SRPK1: variants seen among roughly 807,000 people sequenced by gnomAD.
SRPK1 encodes SFRS protein kinase 1.
Under a neutral mutation model 89.5 loss-of-function variants are expected in SRPK1, and 52 were observed. The ratio of observed to expected loss-of-function variants is 0.58; its 90% CI spans 0.46 to 0.73. SRPK1 has a LOEUF of 0.73. Among genes scored for constraint, SRPK1 ranks in the 30% least tolerant of loss-of-function variants. The pLI is 0.00. For synonymous variants in SRPK1, 255 were observed against 270.2 expected, an observed-to-expected ratio of 0.94 and a Z score of 0.55; for missense variants, 603 against 780.6, an observed-to-expected ratio of 0.77 and a Z score of 2.71.
chr6:35,902,498 C>T (rs961720704), intron 2 of SRPK1, among the ~76,000 whole-genome samples: 8 of 151,952 alleles, frequency 5.3e-5, no homozygotes, highest in African/African-American at 1.5e-4. Flanking sequence ...AGGTAAAGAA[C>T]GAAGCATGAG....
At chr6:35,891,800 A>C (rs1042949779) in intron 2 of SRPK1, among the ~76,000 whole-genome samples, 10 of 151,950 alleles carry the variant, frequency 6.6e-5, no homozygotes, top group African/African-American at 2.4e-4. Flanking sequence ...CATTCTGCTC[A>C]GCTGGACATT....
chr6:35,847,717 C>A (rs1769455832), intron 13 of SRPK1, among the ~76,000 whole-genome samples: 1 of 151,910 alleles, frequency 6.6e-6, no homozygotes, highest in Admixed American at 6.6e-5. Context: ...CATATTTAAC[C>A]ATGGAGGTAA....
At chr6:35,916,246 T>TA (rs1554158253) in intron 2 of SRPK1, among the ~76,000 whole-genome samples, 7,754 of 130,904 alleles carry the variant, frequency 0.059, 358 homozygotes, top group African/African-American at 0.16. Context: ...ATAAATAAAT[T>TA]AATTAATTAA....
At chr6:35,919,702 C>T (rs1401903160) in intron 2 of SRPK1, among the ~76,000 whole-genome samples, 1 of 152,172 alleles carries the variant, frequency 6.6e-6, no homozygotes, top group Admixed American at 6.5e-5. Flanking sequence ...TTGAACTTGC[C>T]ACGATAGCAC....
intron 3 of SRPK1, among the ~76,000 whole-genome samples, chr6:35,890,182 G>T (rs915433913): frequency 9.2e-5 from 14 of 152,174 alleles, no homozygotes; most frequent in African/African-American, 2.9e-4. Flanking sequence ...AGAATCGCTT[G>T]AATCCAGGAG....
At chr6:35,859,632 T>C (rs1360346639) in intron 12 of SRPK1, among the ~76,000 whole-genome samples, 1 of 152,220 alleles carries the variant, frequency 6.6e-6, no homozygotes, top group Non-Finnish European at 1.5e-5. Flanking sequence ...CAAACCTATG[T>C]TGTTCAAAAG....
chr6:35,869,476 A>AT lies in SRPK1; in HGVS notation c.1411+5_1411+6insA. The AT allele has an allele frequency of 6.2e-7, 1 of 1,610,948 alleles. No homozygotes were observed. The highest frequency in any genetic ancestry group is 8.5e-7 in the Non-Finnish European group (1 of 1,177,458). ...GAGTGTTGAGGAAGTATAGCTGCATAGGTACCTTTGTTGTCCAGTGGTCCG... is the reference window on the plus strand; with the variant it reads ...GAGTGTTGAGGAAGTATAGCTGCATATGGTACCTTTGTTGTCCAGTGGTCCG... On this transcript the variant is annotated splice_donor_region_variant and intron_variant, in intron 11 of 15. Transcript: ENST00000373825.
At chr6:35,846,377 G>A (rs9296166) in intron 13 of SRPK1, among the ~76,000 whole-genome samples, 47,639 of 151,728 alleles carry the variant, frequency 0.31, 7,662 homozygotes, top group South Asian at 0.42. Flanking sequence ...GATCACTCAT[G>A]CTCAGGAGTT....
chr6:35,859,854 A>C (rs1769743125), intron 12 of SRPK1, among the ~76,000 whole-genome samples: 1 of 150,784 alleles, frequency 6.6e-6, no homozygotes, highest in Non-Finnish European at 1.5e-5. Context: ...GCTGAAAAGA[A>C]CGTAGTCTTT....
At chr6:35,910,284 G>A (rs1209313120) in intron 2 of SRPK1, among the ~76,000 whole-genome samples, 2 of 152,002 alleles carry the variant, frequency 1.3e-5, no homozygotes, top group African/African-American at 4.8e-5. Flanking sequence ...CGCCCAGCTT[G>A]CAAGCCTCAT....
rs1263091455 is a variant in SRPK1, at chr6:35,868,426, C to A, written c.1512+584G>T. Among the ~76,000 whole-genome samples the A allele has an allele frequency of 2.0e-5, 3 of 152,302 alleles. No homozygotes were observed. In the South Asian group the frequency reaches 6.2e-4, roughly 32 times the overall value. ...TAAAGCCCTTTTAAAAATCACAGAA[C>A]TTCTGACTTAGCAATTCTATGTCTA... On this transcript the variant is annotated intron_variant, in intron 12 of 15. Coordinates refer to ENST00000373825, the MANE Select transcript of SRPK1 (RefSeq NM_003137.5).
chr6:35,849,920 G>A (rs570117034), intron 13 of SRPK1, among the ~76,000 whole-genome samples: 4 of 152,184 alleles, frequency 2.6e-5, no homozygotes, highest in South Asian at 2.1e-4. Flanking sequence ...TGACATGGAT[G>A]GAACTGGAAA....
chr6:35,888,786 A>T, intron 4 of SRPK1, 29 bp downstream of exon 4: 1 of 1,393,348 alleles, frequency 7.2e-7, no homozygotes, highest in Non-Finnish European at 1.0e-6. Context: ...TCATCTAACT[A>T]ATTCTTTTAC....
Position 35,921,081 on chromosome 6 carries a change from C to T in SRPK1, c.-25G>A, listed in dbSNP as rs770007214. The T allele has an allele frequency of 4.9e-5, 74 of 1,498,394 alleles. No individual in the cohort carries two copies. Among genetic ancestry groups the T allele is most frequent in the Non-Finnish European group, 4.8e-5 (54 of 1,121,036 alleles). The allele number at this position is 1,498,394 out of a possible 1,614,324, so 92.8% of individuals were successfully genotyped here. A position where few individuals can be genotyped will look rare whatever the true frequency, so the allele number is the denominator to read the frequency against. Reference sequence around the variant, plus strand: ...TGGTGAGACCGGTAATCGCCAGGCGCCTGCGCACTCGAGTGGCGGCGACTC... The same window carrying T: ...TGGTGAGACCGGTAATCGCCAGGCGTCTGCGCACTCGAGTGGCGGCGACTC... On this transcript the variant is annotated 5_prime_UTR_variant, in exon 1 of 16. Transcript: ENST00000373825.
chr6:35,886,343 G>A (rs1368960193), intron 6 of SRPK1, among the ~76,000 whole-genome samples: 3 of 152,158 alleles, frequency 2.0e-5, no homozygotes, highest in Admixed American at 2.0e-4. Flanking sequence ...GCCTCCCAAA[G>A]TGCTGGGATT....
At chr6:35,855,062 G>A (rs1312368105) in intron 13 of SRPK1, among the ~76,000 whole-genome samples, 3 of 152,164 alleles carry the variant, frequency 2.0e-5, no homozygotes, top group African/African-American at 7.2e-5. Flanking sequence ...AGCACTTTGG[G>A]AGGCAGAAGT....
chr6:35,841,195 T>C (rs182629509), intron 14 of SRPK1, among the ~76,000 whole-genome samples: 6 of 152,318 alleles, frequency 3.9e-5, no homozygotes, highest in African/African-American at 9.6e-5. Context: ...GTAGTAATTA[T>C]AGTATCCTCT....
chr6:35,872,751 A>G lies in SRPK1; in HGVS notation c.586-23T>C, dbSNP rs1162902641. 5 of 1,567,438 alleles carry G rather than the reference A, an allele frequency of 3.2e-6. No individual in the cohort carries two copies. In the South Asian group the frequency reaches 6.3e-5, roughly 20 times the overall value. Reference sequence around the variant, plus strand: ...CACCTGAATGGAAATAGAGTGGCAGACTTGCAAACACAAAATACAGGCTTT... The same window carrying G: ...CACCTGAATGGAAATAGAGTGGCAGGCTTGCAAACACAAAATACAGGCTTT... On this transcript the variant is annotated intron_variant, in intron 7 of 15. Transcript: ENST00000373825.
intron 1 of SRPK1, chr6:35,920,764 C>A (rs960508643): frequency 1.9e-4 from 65 of 339,024 alleles, no homozygotes; most frequent in Non-Finnish European, 3.1e-4. Flanking sequence ...GGGTGGGGGT[C>A]TGCGTCGCCC....
Sources: gnomAD v4.1 joint callset for allele counts (sites outside exome capture counted in the v4.1 genomes callset) on GRCh38, gnomAD v4.1.1 for gene constraint, MANE v1.5 for transcripts, NCBI Gene and HGNC (gene_info 2026-07-23, HGNC 2026-07-21) for gene names.